The following PDE1C variants were observed in gnomAD, a reference collection of about 807,000 sequenced individuals.
The protein encoded by PDE1C is phosphodiesterase 1C, also known as dual specificity calcium/calmodulin-dependent 3',5'-cyclic nucleotide phosphodiesterase 1C.
In PDE1C, 62 loss-of-function variants were observed where a neutral mutation model predicts 93.1. That is an observed-to-expected ratio of 0.67 (90% CI 0.54 to 0.82). PDE1C has a LOEUF of 0.82. Among genes scored for constraint, PDE1C ranks in the 40% least tolerant of loss-of-function variants. PDE1C has a pLI of 0.00. For synonymous variants in PDE1C, 325 were observed against 310.1 expected (o/e 1.05, Z -0.50); for missense variants, 742 against 884.6 (o/e 0.84, Z 2.04).
intron 3 of PDE1C, among the ~76,000 whole-genome samples, chr7:32,098,009 T>A (rs899845444): frequency 3.4e-5 from 5 of 148,948 alleles, no homozygotes. Flanking sequence ...GGCGGGCGGA[T>A]CACGAGGTCA....
intron 3 of PDE1C, among the ~76,000 whole-genome samples, chr7:32,077,717 CCCA>C (rs1371526484): frequency 1.3e-5 from 2 of 152,000 alleles, no homozygotes; most frequent in Admixed American, 6.6e-5. Context: ...ATTACAGGCA[CCCA>C]CCACCACACC....
At chr7:31,818,036 G>C (rs754673004) in intron 14 of PDE1C, among the ~76,000 whole-genome samples, 2 of 152,110 alleles carry the variant, frequency 1.3e-5, no homozygotes, top group Non-Finnish European at 2.9e-5. Flanking sequence ...TGGAGAAGGA[G>C]GGGCAAGAAT....
At chr7:31,736,185 G>A in the PDE1C span, among the ~76,000 whole-genome samples, 6 of 152,210 alleles carry the variant, frequency 3.9e-5, no homozygotes, top group Admixed American at 1.3e-4. Context: ...ATGCAAAGAC[G>A]CACTCTCGTT....
chr7:32,230,619 A>G (rs1018786684), intron 1 of PDE1C, among the ~76,000 whole-genome samples: 23 of 152,124 alleles, frequency 1.5e-4, no homozygotes, highest in African/African-American at 4.6e-4. Context: ...GGCAGTCATG[A>G]GATGAAATTT....
rs73314447 is a variant in PDE1C at position 32,329,449 on chromosome 7, G to A, written c.310+98373C>T. ...GGAGCTCCCTCTCAATTGCCGATGA[G>A]CTTTTAATCCAGTGCAGGTGACCTT... On this transcript the variant is annotated intron_variant, in intron 1 of 1. Transcript: ENST00000672256. Among the ~76,000 whole-genome samples the A allele has an allele frequency of 7.9e-3, 1,201 of 152,254 alleles. 12 individuals are homozygous for A. Among genetic ancestry groups the A allele is most frequent in the African/African-American group, 0.027 (1,141 of 41,542 alleles).
At chr7:32,323,330 C>A (rs1783335214) in intron 1 of PDE1C, among the ~76,000 whole-genome samples, 1 of 152,134 alleles carries the variant, frequency 6.6e-6, no homozygotes, top group Admixed American at 6.5e-5. Flanking sequence ...AATCAGACTT[C>A]ACTGAATTCA....
At chr7:32,282,157 TAAA>T (rs34769998) in intron 1 of PDE1C, among the ~76,000 whole-genome samples, 6 of 134,690 alleles carry the variant, frequency 4.5e-5, no homozygotes, top group African/African-American at 1.4e-4. Flanking sequence ...TAAAGTATAA[TAAA>T]AAAAAAAAAA....
chr7:32,375,630 C>G (rs1562696682), intron 1 of PDE1C, among the ~76,000 whole-genome samples: 1 of 152,206 alleles, frequency 6.6e-6, no homozygotes, highest in African/African-American at 2.4e-5. Flanking sequence ...CCAACAGTGG[C>G]CAGGATGAGA....
At chr7:31,977,000 G>A (rs1368549485) in intron 2 of PDE1C, among the ~76,000 whole-genome samples, 1 of 152,160 alleles carries the variant, frequency 6.6e-6, no homozygotes, top group Non-Finnish European at 1.5e-5. Context: ...CTGAATCAGA[G>A]AGTCTGGGTT....
exon 1 of PDE1C, chr7:32,298,806 A>G (rs938842394): frequency 4.6e-6 from 7 of 1,525,716 alleles, no homozygotes; most frequent in African/African-American, 4.2e-5. Flanking sequence ...CGGCGGAGTG[A>G]GCAGCCCGGG....
In PDE1C at chr7:31,798,988, A is replaced by AT. The variant is rs905435348; in HGVS notation, c.1891+10042dup. Among the ~76,000 whole-genome samples, 890 of 149,460 alleles carry AT rather than the reference A, an allele frequency of 6.0e-3. 6 individuals are homozygous for AT. The highest frequency in any genetic ancestry group is 0.019 in the African/African-American group (761 of 40,944). On this transcript the variant is annotated intron_variant, in intron 16 of 17. Coordinates refer to ENST00000396191, the MANE Select transcript of PDE1C (RefSeq NM_001191057.4). The stretch of plus-strand genomic sequence containing the variant: ...CTATCGTCCTAAGTAGTATGGGGAC[A>AT]TTTTTTTTTTGGAAGAAAGAATAAC...
intron 3 of PDE1C, among the ~76,000 whole-genome samples, chr7:32,084,498 A>G (rs10240754): frequency 0.61 from 88,342 of 143,658 alleles, 27,682 homozygotes; most frequent in African/African-American, 0.7. Flanking sequence ...TGCACCAAGC[A>G]GACCTAATAG....
chr7:31,690,630 A>G, the PDE1C span, among the ~76,000 whole-genome samples: 2 of 152,238 alleles, frequency 1.3e-5, no homozygotes. Context: ...ATTTGACTCA[A>G]GAATCCAGAT....
At chr7:32,253,448 T>C (rs1450115373) in intron 1 of PDE1C, among the ~76,000 whole-genome samples, 2 of 152,204 alleles carry the variant, frequency 1.3e-5, no homozygotes, top group Admixed American at 6.5e-5. Flanking sequence ...GCTGCCATTC[T>C]TCAAGCAAAT....
intron 16 of PDE1C, among the ~76,000 whole-genome samples, chr7:31,777,882 G>T (rs1038333246): frequency 6.6e-6 from 1 of 152,092 alleles, no homozygotes; most frequent in African/African-American, 2.4e-5. Flanking sequence ...TGCCCTGAAG[G>T]TCAGAGTTGG....
intron 1 of PDE1C, among the ~76,000 whole-genome samples, chr7:32,397,780 C>A (rs2128094571): frequency 6.6e-6 from 1 of 152,110 alleles, no homozygotes; most frequent in South Asian, 2.1e-4. Flanking sequence ...CTTTGGGAGG[C>A]CCAGGTGGGC....
the PDE1C span, among the ~76,000 whole-genome samples, chr7:31,620,292 G>A: frequency 2.0e-5 from 3 of 152,058 alleles, no homozygotes; most frequent in Non-Finnish European, 1.5e-5. Context: ...TCTGAGAACG[G>A]GCAGACTGCC....
At chr7:32,046,713 GTTAA>G (rs1584587679) in intron 2 of PDE1C, among the ~76,000 whole-genome samples, 3 of 152,108 alleles carry the variant, frequency 2.0e-5, no homozygotes, top group African/African-American at 4.8e-5. Flanking sequence ...TTTGTCTAAA[GTTAA>G]TTACTCACAG....
chr7:32,237,849 C>A (rs866957051), intron 1 of PDE1C, among the ~76,000 whole-genome samples: 5 of 149,384 alleles, frequency 3.3e-5, no homozygotes, highest in African/African-American at 1.2e-4. Flanking sequence ...CGGTTCACTG[C>A]AGCCTCCGCC....
Sources: gnomAD v4.1 joint callset for allele counts (sites outside exome capture counted in the v4.1 genomes callset) on GRCh38, gnomAD v4.1.1 for gene constraint, MANE v1.5 for transcripts, NCBI Gene and HGNC (gene_info 2026-07-23, HGNC 2026-07-21) for gene names.